Variants in NBEA observed in about 807,000 individuals in gnomAD.
The protein encoded by NBEA is lysosomal-trafficking regulator 2.
A neutral mutation model predicts 343.4 loss-of-function variants in NBEA; 44 were observed. The observed-to-expected ratio is 0.13, with a 90% CI of 0.10 to 0.16. The LOEUF is 0.16. NBEA is among the 10% of genes least tolerant of loss of function. NBEA has a pLI of 1.00. For missense variants in NBEA, 2,555 were observed against 3,631.3 expected (o/e 0.70, Z 7.62); for synonymous variants, 1,175 against 1,238.7 (o/e 0.95, Z 1.08).
Position 35,171,327 on chromosome 13 carries a change from C to G in NBEA, c.4298C>G (p.Thr1433Ser), listed in dbSNP as rs923927686. ...TQGMSAETAVTFLSRLMAMVD... is the reference protein window; with the variant it reads ...TQGMSAETAVSFLSRLMAMVD... Reference sequence around the variant, plus strand: ...GGCATGTCAGCTGAGACAGCAGTAACTTTCCTCAGCCGGCTGATGGCTATG... The same window carrying G: ...GGCATGTCAGCTGAGACAGCAGTAAGTTTCCTCAGCCGGCTGATGGCTATG... Residue 1433 changes from threonine (T) to serine (S), a missense_variant, in exon 26 of 59, where the codon ACT becomes AGT. Transcript: ENST00000379939. 2.5e-6 allele frequency: 4 copies of G among 1,612,306 alleles called. No homozygotes were observed. The African/African-American group carries it at 5.3e-5, about 22-fold the overall frequency.
At chr13:35,361,623 T>G (rs1207205263) in intron 38 of NBEA, among the ~76,000 whole-genome samples, 1 of 152,042 alleles carries the variant, frequency 6.6e-6, no homozygotes, top group Non-Finnish European at 1.5e-5. Flanking sequence ...TTGGTGACCT[T>G]GCTTGTTTTG....
At chr13:35,457,744 G>C (rs573547053) in intron 40 of NBEA, among the ~76,000 whole-genome samples, 1 of 152,124 alleles carries the variant, frequency 6.6e-6, no homozygotes, top group South Asian at 2.1e-4. Flanking sequence ...GAGTAGCTGG[G>C]ACCACAGGCA....
intron 1 of NBEA, among the ~76,000 whole-genome samples, chr13:35,006,519 A>G (rs1593439203): frequency 6.6e-6 from 1 of 150,482 alleles, no homozygotes. Flanking sequence ...ATATGTATTT[A>G]GATTTATCCA....
At chr13:35,253,056 TCA>T (rs2032158819) in intron 34 of NBEA, among the ~76,000 whole-genome samples, 1 of 152,152 alleles carries the variant, frequency 6.6e-6, no homozygotes, top group South Asian at 2.1e-4. Flanking sequence ...GCTCACTCAT[TCA>T]CAGACTGCTC....
At chr13:35,434,622 C>A (rs1267446557) in intron 39 of NBEA, among the ~76,000 whole-genome samples, 1 of 152,152 alleles carries the variant, frequency 6.6e-6, no homozygotes, top group East Asian at 1.9e-4. Context: ...ATCCTCTAAC[C>A]TTCCTCACAG....
chr13:35,435,128 A>C (rs1566128998), intron 39 of NBEA, among the ~76,000 whole-genome samples: 1 of 152,104 alleles, frequency 6.6e-6, no homozygotes, highest in Non-Finnish European at 1.5e-5. Flanking sequence ...TCCTGGGTTC[A>C]AGCGATTCTT....
chr13:35,136,874 G>C (rs1321031586), intron 17 of NBEA, among the ~76,000 whole-genome samples: 13 of 152,160 alleles, frequency 8.5e-5, no homozygotes, highest in Non-Finnish European at 1.3e-4. Flanking sequence ...GTAAAGACAA[G>C]GTCAAGGAAG....
chr13:35,452,388 A>C (rs1455332459), intron 40 of NBEA, among the ~76,000 whole-genome samples, 153 bp downstream of exon 40: 1 of 152,242 alleles, frequency 6.6e-6, no homozygotes, highest in East Asian at 1.9e-4. Flanking sequence ...CATTTCTAAT[A>C]TTGAAGAGAG....
At chr13:35,089,757 G>A (rs2064977309) in intron 10 of NBEA, among the ~76,000 whole-genome samples, 1 of 148,934 alleles carries the variant, frequency 6.7e-6, no homozygotes, top group Non-Finnish European at 1.5e-5. Context: ...CATGTCCTTT[G>A]TAGGGACATG....
At chr13:35,441,671 G>T (rs2045743477) in intron 39 of NBEA, among the ~76,000 whole-genome samples, 1 of 152,030 alleles carries the variant, frequency 6.6e-6, no homozygotes, top group African/African-American at 2.4e-5. Flanking sequence ...GTGCCATGGG[G>T]ATACCAAAAT....
intron 40 of NBEA, among the ~76,000 whole-genome samples, chr13:35,468,654 T>A (rs1184086110): frequency 6.6e-6 from 1 of 152,032 alleles, no homozygotes; most frequent in African/African-American, 2.4e-5. Context: ...CCCATGGTAC[T>A]TATTGTTGTC....
At chr13:35,108,163 A>G (rs1032159145) in intron 11 of NBEA, among the ~76,000 whole-genome samples, 1 of 152,040 alleles carries the variant, frequency 6.6e-6, no homozygotes, top group African/African-American at 2.4e-5. Context: ...CAGTTAGTGA[A>G]GAATAGCGAG....
intron 38 of NBEA, among the ~76,000 whole-genome samples, chr13:35,359,928 G>A (rs1420226370): frequency 6.6e-6 from 1 of 151,656 alleles, no homozygotes; most frequent in African/African-American, 2.4e-5. Flanking sequence ...GTAAGATGTT[G>A]GGAGCACACC....
chr13:35,315,982 G>A (rs2037688259), intron 36 of NBEA, among the ~76,000 whole-genome samples: 1 of 150,694 alleles, frequency 6.6e-6, no homozygotes, highest in Non-Finnish European at 1.5e-5. Flanking sequence ...TCCTAAAGTA[G>A]ATATTCTGGT....
intron 38 of NBEA, among the ~76,000 whole-genome samples, chr13:35,404,704 GTAAC>G (rs1225118878): frequency 6.6e-6 from 1 of 151,034 alleles, no homozygotes; most frequent in Non-Finnish European, 1.5e-5. Context: ...GTATACATAT[GTAAC>G]TAACCTGCAC....
At chr13:35,498,635 A>C (rs1211507179) in intron 41 of NBEA, among the ~76,000 whole-genome samples, 4 of 152,120 alleles carry the variant, frequency 2.6e-5, no homozygotes, top group Non-Finnish European at 5.9e-5. Flanking sequence ...TGACTATTTA[A>C]TTTATGCAAA....
chr13:35,256,953 G>A (rs2032679868), intron 34 of NBEA, among the ~76,000 whole-genome samples: 1 of 152,192 alleles, frequency 6.6e-6, no homozygotes, highest in Admixed American at 6.5e-5. Context: ...CTCCTGCCCT[G>A]CCAACTCAAT....
At chr13:35,104,319 C>A (rs1045543404) in intron 11 of NBEA, among the ~76,000 whole-genome samples, 2 of 151,910 alleles carry the variant, frequency 1.3e-5, no homozygotes, top group African/African-American at 4.8e-5. Flanking sequence ...AATTTTGCAG[C>A]ACCATTCTGG....
At chr13:35,259,674 A>G (rs1251272459) in intron 34 of NBEA, among the ~76,000 whole-genome samples, 1 of 152,082 alleles carries the variant, frequency 6.6e-6, no homozygotes, top group Non-Finnish European at 1.5e-5. Flanking sequence ...AATATATTAT[A>G]ATTATTCTTT....
Sources: gnomAD v4.1 joint callset for allele counts (sites outside exome capture counted in the v4.1 genomes callset) on GRCh38, gnomAD v4.1.1 for gene constraint, MANE v1.5 for transcripts, NCBI Gene and HGNC (gene_info 2026-07-23, HGNC 2026-07-21) for gene names.